C19orf81: variants seen among roughly 807,000 people sequenced by gnomAD.
C19orf81 encodes chromosome 19 open reading frame 81.
Under a neutral mutation model 22.1 loss-of-function variants are expected in C19orf81, and 19 were observed. The ratio of observed to expected loss-of-function variants is 0.86; its 90% CI spans 0.60 to 1.26. C19orf81 has a LOEUF of 1.26. Ranked by LOEUF, C19orf81 falls within the 50% of genes most tolerant of loss-of-function variation. C19orf81 has a pLI of 0.00. For synonymous variants in C19orf81, 108 were observed against 113.1 expected (o/e 0.95, Z 0.29); for missense variants, 287 against 280.7 (o/e 1.02, Z -0.16).
At chr19:50,658,193 A>G in intron 4 of C19orf81, 65 bp downstream of exon 4, 2 of 1,464,864 alleles carry the variant, frequency 1.4e-6, no homozygotes, top group Non-Finnish European at 1.8e-6. Context: ...GCGACCGGGT[A>G]AGAGCGTGGT....
chr19:50,654,423 C>T (rs1440879839), intron 1 of C19orf81, among the ~76,000 whole-genome samples: 1 of 152,018 alleles, frequency 6.6e-6, no homozygotes, highest in Non-Finnish European at 1.5e-5. Context: ...CTGCCTCAGC[C>T]TCCCGAGTAG....
intron 4 of C19orf81, chr19:50,658,667 C>A (rs1985060459): frequency 2.8e-6 from 1 of 361,126 alleles, no homozygotes; most frequent in Admixed American, 4.5e-5. Flanking sequence ...TAGGGTAGAG[C>A]GCAGCCTGCA....
chr19:50,650,402 G>A (rs1984851950), intron 1 of C19orf81, among the ~76,000 whole-genome samples: 1 of 152,220 alleles, frequency 6.6e-6, no homozygotes, highest in Non-Finnish European at 1.5e-5. Flanking sequence ...TGGGTGTGGT[G>A]GCTCACGCCT....
intron 1 of C19orf81, among the ~76,000 whole-genome samples, chr19:50,655,826 A>G (rs1344904694): frequency 6.6e-6 from 1 of 152,208 alleles, no homozygotes; most frequent in African/African-American, 2.4e-5. Context: ...AGAGCCTAAT[A>G]GGAACCCAGC....
In C19orf81 at chr19:50,659,178, C is replaced by T. The variant is rs1009449195; in HGVS notation, c.*36C>T. 2.3e-6 allele frequency: 3 copies of T among 1,279,092 alleles called. No individual in the cohort carries two copies. Among genetic ancestry groups the T allele is most frequent in the Non-Finnish European group, 2.0e-6 (2 of 1,013,718 alleles). The allele number at this position is 1,279,092 out of a possible 1,614,324, so 79.2% of individuals were successfully genotyped here. A position where few individuals can be genotyped will look rare whatever the true frequency, so the allele number is the denominator to read the frequency against. On this transcript the variant is annotated 3_prime_UTR_variant, in exon 5 of 5. Coordinates refer to ENST00000425202, the MANE Select transcript of C19orf81 (RefSeq NM_001195076.2). ...GGCCCCGGCAGCGCTTGCGCACCGC[C>T]CCGCGGGCTGGGGCCACCCACCCGG... is the stretch of plus-strand genomic sequence containing the variant.
intron 3 of C19orf81, among the ~76,000 whole-genome samples, 189 bp downstream of exon 3, chr19:50,656,535 T>C (rs1984997705): frequency 6.6e-6 from 1 of 151,894 alleles, no homozygotes; most frequent in Admixed American, 6.6e-5. Context: ...AATCTACTGC[T>C]CATGTCAGAG....
chr19:50,657,995 G>A lies in C19orf81; in HGVS notation c.268G>A (p.Glu90Lys), dbSNP rs1420302321. 1.6e-5 allele frequency: 24 copies of A among 1,528,352 alleles called. No individual in the cohort carries two copies. The highest frequency in any genetic ancestry group is 2.0e-5 in the Non-Finnish European group (23 of 1,143,680). 94.7% of individuals were successfully genotyped at this position (1,528,352 alleles called of 1,614,324 possible). A position where few individuals can be genotyped will look rare whatever the true frequency, so the allele number is the denominator to read the frequency against. The change falls in exon 4 of 5, where the codon GAG becomes AAG. Residue 90 changes from glutamate to lysine, a missense_variant. Coordinates refer to ENST00000425202, the MANE Select transcript of C19orf81 (RefSeq NM_001195076.2). The stretch of plus-strand genomic sequence containing the variant: ...CTCTCTCCGACACCCGCAGCCCGAG[G>A]AGGATTTTACCCACCTGGAGGTGCT... ...LCLCMETLPE[E>K]DFTHLEVLQA...
At chr19:50,654,476 T>C (rs981349835) in intron 1 of C19orf81, among the ~76,000 whole-genome samples, 1 of 149,834 alleles carries the variant, frequency 6.7e-6, no homozygotes, top group African/African-American at 2.5e-5. Flanking sequence ...CTTTTTTGTA[T>C]TTTTAGTAGA....
chr19:50,649,673 T>A, intron 1 of C19orf81, 162 bp downstream of exon 1: 1 of 805,082 alleles, frequency 1.2e-6, no homozygotes, highest in Non-Finnish European at 2.1e-6. Context: ...AGCGGCCCCC[T>A]TGGACCTCAA....
At position 50,659,013 on chromosome 19, in the gene C19orf81, C is replaced by T; in HGVS notation, c.468C>T (p.Arg156=). 2 of 1,528,918 alleles carry T rather than the reference C, an allele frequency of 1.3e-6. No homozygotes were observed. The highest frequency in any genetic ancestry group is 1.7e-4 in the Middle Eastern group (1 of 5,952). 94.7% of individuals were successfully genotyped at this position (1,528,918 alleles called of 1,614,324 possible). A position where few individuals can be genotyped will look rare whatever the true frequency, so the allele number is the denominator to read the frequency against. Residue 156 remains arginine (R), a synonymous_variant, in exon 5 of 5, where the codon CGC becomes CGT. Transcript: ENST00000425202. ...TGCTGCGCTCCGGGCTCAGTCCCCGCGGGCTTGCGCACCAGATCGTGCGCC... is the reference window on the plus strand; with the variant it reads ...TGCTGCGCTCCGGGCTCAGTCCCCGTGGGCTTGCGCACCAGATCGTGCGCC... ...SRLLRSGLSP[R]GLAHQIVRHD...
intron 3 of C19orf81, 103 bp downstream of exon 3, chr19:50,656,449 G>T (rs1984996451): frequency 1.4e-6 from 2 of 1,405,034 alleles, no homozygotes; most frequent in Non-Finnish European, 1.9e-6. Flanking sequence ...CAGGCTTTTG[G>T]CTTATAAGCT....
rs573114045 is a variant in C19orf81, at chr19:50,658,089, A to C, written c.362A>C (p.Asn121Thr). The C allele has an allele frequency of 5.9e-5, 90 of 1,535,774 alleles. 1 individual carries two copies. In the South Asian group the frequency reaches 1.0e-3, roughly 17 times the overall value. ...SGRVSSIRFENMNVICGTAGR... is the reference protein window; with the variant it reads ...SGRVSSIRFETMNVICGTAGR... ...CGCGTGAGCAGCATCCGCTTTGAGAACATGAACGTCATCTGTGGGACTGCT... is the reference window on the plus strand; with the variant it reads ...CGCGTGAGCAGCATCCGCTTTGAGACCATGAACGTCATCTGTGGGACTGCT... The change falls in exon 4 of 5, where the codon AAC (asparagine) becomes ACC (threonine). Residue 121 changes from asparagine to threonine, a missense_variant. Asn to Thr is a moderately conservative substitution (Grantham distance 65, BLOSUM62 0). Coordinates refer to ENST00000425202, the MANE Select transcript of C19orf81 (RefSeq NM_001195076.2).
chr19:50,654,803 A>AT (rs201589110), intron 1 of C19orf81, among the ~76,000 whole-genome samples: 8,146 of 151,820 alleles, frequency 0.054, 244 homozygotes, highest in African/African-American at 0.081. Flanking sequence ...ATAATTAAAA[A>AT]TTTTTTTTTG....
In C19orf81 at chr19:50,659,043, C is replaced by A. The variant is rs1177251657; in HGVS notation, c.498C>A (p.Asp166Glu). 1 of 1,529,260 alleles carries A rather than the reference C, an allele frequency of 6.5e-7. No homozygotes were observed. The highest frequency in any genetic ancestry group is 2.5e-5 in the East Asian group (1 of 40,450). 94.7% of individuals were successfully genotyped at this position (1,529,260 alleles called of 1,614,324 possible). The change falls in exon 5 of 5, where the codon GAC (aspartate) becomes GAA (glutamate). Residue 166 changes from aspartate (D) to glutamate (E), a missense_variant. By Grantham distance (45) the Asp-to-Glu change is conservative (BLOSUM62 2). Coordinates refer to ENST00000425202, the MANE Select transcript of C19orf81 (RefSeq NM_001195076.2). ...RGLAHQIVRHDDLLLGDYRLH... is the reference protein window; with the variant it reads ...RGLAHQIVRHEDLLLGDYRLH... ...TTGCGCACCAGATCGTGCGCCACGACGACCTCCTGCTGGGCGACTACCGCC... is the reference window on the plus strand; with the variant it reads ...TTGCGCACCAGATCGTGCGCCACGAAGACCTCCTGCTGGGCGACTACCGCC...
chr19:50,656,941 G>T (rs1985006386), intron 3 of C19orf81, among the ~76,000 whole-genome samples: 2 of 137,948 alleles, frequency 1.4e-5, no homozygotes, highest in African/African-American at 2.9e-5. Context: ...GACAAAGTGA[G>T]ACTCTGTCAA....
intron 1 of C19orf81, among the ~76,000 whole-genome samples, chr19:50,655,648 CAAA>C (rs772068035): frequency 7.5e-6 from 1 of 133,572 alleles, no homozygotes; most frequent in Admixed American, 7.6e-5. Flanking sequence ...GACTCTGTCT[CAAA>C]AAAAAAAAAC....
At chr19:50,657,380 G>A (rs1056545292) in intron 3 of C19orf81, among the ~76,000 whole-genome samples, 2 of 152,116 alleles carry the variant, frequency 1.3e-5, no homozygotes, top group Admixed American at 6.5e-5. Context: ...CAGTGAAATC[G>A]TGAAAATTTT....
At chr19:50,655,065 C>A (rs1289075355) in intron 1 of C19orf81, among the ~76,000 whole-genome samples, 1 of 152,156 alleles carries the variant, frequency 6.6e-6, no homozygotes, top group Non-Finnish European at 1.5e-5. Flanking sequence ...GCAAATGACT[C>A]CAAAGTTACA....
At chr19:50,649,765 T>TA (rs1255260031) in intron 1 of C19orf81, 2 of 613,174 alleles carry the variant, frequency 3.3e-6, no homozygotes, top group Non-Finnish European at 6.1e-6. Flanking sequence ...CTCTGGGGCC[T>TA]AAGCAACACC....
Sources: allele counts gnomAD v4.1 joint callset (sites outside exome capture counted in the v4.1 genomes callset), GRCh38; gene constraint gnomAD v4.1.1; transcripts MANE v1.5; gene names NCBI Gene and HGNC (gene_info 2026-07-23, HGNC 2026-07-21).